Variants in WDR48 observed in about 807,000 individuals in gnomAD.
The protein encoded by WDR48 is WD repeat domain 48, also known as WD repeat-containing protein 48.
WDR48 carries 22 observed loss-of-function variants against 94.0 expected under a neutral mutation model. The ratio of observed to expected loss-of-function variants is 0.23; its 90% CI spans 0.17 to 0.33. The LOEUF (loss-of-function observed/expected upper bound fraction) is 0.33. Among genes scored for constraint, WDR48 ranks in the 10% least tolerant of loss-of-function variants. The probability of loss-of-function intolerance (pLI) is 1.00; values close to 1 mark genes in which losing one functional copy is unlikely to be tolerated. For missense variants in WDR48, 541 were observed against 813.8 expected (o/e 0.66, Z 4.08); for synonymous variants, 278 against 280.5 (o/e 0.99, Z 0.09).
At chr3:39,053,793 T>C (rs1328547103) in intron 1 of WDR48, among the ~76,000 whole-genome samples, 1 of 152,086 alleles carries the variant, frequency 6.6e-6, no homozygotes, top group African/African-American at 2.4e-5. Flanking sequence ...ATGGAGAAAA[T>C]GTAAATTAAC....
At position 39,066,536 on chromosome 3, in the gene WDR48, T is replaced by C; in HGVS notation, c.269-12T>C. The C allele has an allele frequency of 4.3e-6, 7 of 1,612,178 alleles. No homozygotes were observed. Among genetic ancestry groups the C allele is most frequent in the Non-Finnish European group, 5.1e-6 (6 of 1,179,108 alleles). ...ACTACTAAGGAGTTTGTTAATTCTT[T>C]GCTTCTTCTAGTAATATCTGCTTCT... On this transcript the variant is annotated splice_polypyrimidine_tract_variant and intron_variant, in intron 3 of 18. Coordinates refer to ENST00000302313, the MANE Select transcript of WDR48 (RefSeq NM_020839.4).
At chr3:39,083,596 G>A (rs1211378079) in intron 11 of WDR48, among the ~76,000 whole-genome samples, 3 of 152,186 alleles carry the variant, frequency 2.0e-5, no homozygotes, top group Non-Finnish European at 4.4e-5. Flanking sequence ...AATGGGGAAG[G>A]TGGCAAGGTC....
intron 11 of WDR48, among the ~76,000 whole-genome samples, chr3:39,083,702 T>C (rs57701412): frequency 0.091 from 13,804 of 152,176 alleles, 756 homozygotes; most frequent in Admixed American, 0.14. Flanking sequence ...GGTTGCTAGA[T>C]GGCAGTGAAG....
chr3:39,092,578 G>A (rs2035135955), intron 17 of WDR48, among the ~76,000 whole-genome samples: 1 of 152,156 alleles, frequency 6.6e-6, no homozygotes, highest in Non-Finnish European at 1.5e-5. Flanking sequence ...CCAAGCCATA[G>A]AGCGTGCAGT....
intron 16 of WDR48, chr3:39,089,995 A>G (rs1263884622): frequency 2.0e-5 from 3 of 152,180 alleles, no homozygotes; most frequent in African/African-American, 4.8e-5. Context: ...GCTTTTTAGG[A>G]TAAATTCCTA....
At chr3:39,094,445 T>C in intron 18 of WDR48, 30 of 1,531,308 alleles carry the variant, frequency 2.0e-5, no homozygotes, top group Non-Finnish European at 2.4e-5. Context: ...GGCCTGGTGT[T>C]TCTGGCATAG....
At chr3:39,074,641 T>G in intron 7 of WDR48, 85 bp from the exon 8 acceptor site, 7 of 1,289,170 alleles carry the variant, frequency 5.4e-6, no homozygotes, top group Non-Finnish European at 4.4e-6. Context: ...TGTTTGACAG[T>G]GTGGACTCGG....
intron 9 of WDR48, 58 bp downstream of exon 9, chr3:39,077,271 C>T: frequency 6.3e-7 from 1 of 1,589,490 alleles, no homozygotes; most frequent in Non-Finnish European, 8.6e-7. Flanking sequence ...TATCACAGAC[C>T]TGTAGACGCC....
Position 39,076,104 on chromosome 3 carries a change from C to T in WDR48, c.898-1035C>T, listed in dbSNP as rs78317225. Among the ~76,000 whole-genome samples, 624 of 152,210 alleles carry T rather than the reference C, an allele frequency of 4.1e-3. 9 individuals are homozygous for T. The highest frequency in any genetic ancestry group is 0.014 in the African/African-American group (591 of 41,530). On this transcript the variant is annotated intron_variant, in intron 8 of 18. Coordinates refer to ENST00000302313, the MANE Select transcript of WDR48 (RefSeq NM_020839.4). ...CAGAACTGCAGATACCCATTCTCTA[C>T]GAAACTAAGTGACATCTGAAACCTC...
At chr3:39,062,513 G>A (rs1043662671) in intron 1 of WDR48, among the ~76,000 whole-genome samples, 11 of 152,146 alleles carry the variant, frequency 7.2e-5, no homozygotes, top group African/African-American at 2.7e-4. Context: ...AGGAAGTATT[G>A]TTTAAATGGA....
chr3:39,067,483 G>A (rs3732373), intron 5 of WDR48, among the ~76,000 whole-genome samples: 3,747 of 152,282 alleles, frequency 0.025, 76 homozygotes, highest in South Asian at 0.061. Context: ...CATCAGCTAA[G>A]AGATCTCAGA....
chr3:39,067,086 A>G (rs2033653817), intron 5 of WDR48, among the ~76,000 whole-genome samples: 1 of 152,192 alleles, frequency 6.6e-6, no homozygotes, highest in Admixed American at 6.5e-5. Context: ...TTCTCCAGGT[A>G]TAACCTGGTT....
chr3:39,092,440 T>C (rs2035128304), intron 17 of WDR48, among the ~76,000 whole-genome samples: 1 of 152,126 alleles, frequency 6.6e-6, no homozygotes, highest in Non-Finnish European at 1.5e-5. Context: ...AGTGGGAGCA[T>C]GCATAAGATA....
At chr3:39,068,715 T>C in intron 5 of WDR48, 56 bp from the exon 6 acceptor site, 3 of 1,322,964 alleles carry the variant, frequency 2.3e-6, no homozygotes, top group Non-Finnish European at 3.2e-6. Flanking sequence ...TTTTGCTGAC[T>C]AGTTACTAAA....
chr3:39,062,730 T>C (rs989898558), intron 1 of WDR48, among the ~76,000 whole-genome samples: 18 of 152,194 alleles, frequency 1.2e-4, no homozygotes, highest in Admixed American at 9.2e-4. Flanking sequence ...CTGGAGGTTT[T>C]TGAGCAGAGC....
chr3:39,079,449 C>T (rs1042110074), intron 10 of WDR48, among the ~76,000 whole-genome samples: 2 of 152,146 alleles, frequency 1.3e-5, no homozygotes, highest in African/African-American at 4.8e-5. Context: ...CACTAGTACC[C>T]CCTTGACATG....
At position 39,076,824 on chromosome 3, in the gene WDR48, CAA is replaced by C. The variant is rs1223709615; in HGVS notation, c.898-314_898-313del. Among the ~76,000 whole-genome samples the C allele has an allele frequency of 4.6e-5, 7 of 152,226 alleles. No individual in the cohort carries two copies. The South Asian group carries it at 1.2e-3, about 27-fold the overall frequency. ...TATAGAAACATAAAAACTGGAGTAA[CAA>C]GAAGAGAAAATTATGGAAAGTCTTT... On this transcript the variant is annotated intron_variant, in intron 8 of 18. Transcript: ENST00000302313.
intron 1 of WDR48, among the ~76,000 whole-genome samples, chr3:39,058,605 T>C (rs35211723): frequency 0.14 from 21,646 of 152,154 alleles, 1,805 homozygotes; most frequent in African/African-American, 0.22. Flanking sequence ...TGAGAGAGGC[T>C]GAAGTTGACA....
intron 1 of WDR48, among the ~76,000 whole-genome samples, chr3:39,055,367 C>T (rs1426919744): frequency 6.6e-6 from 1 of 152,140 alleles, no homozygotes; most frequent in Non-Finnish European, 1.5e-5. Context: ...TGCCTGTAAT[C>T]CCAGGTACTT....
Sources: gnomAD v4.1 joint callset for allele counts (sites outside exome capture counted in the v4.1 genomes callset) on GRCh38, gnomAD v4.1.1 for gene constraint, MANE v1.5 for transcripts, NCBI Gene and HGNC (gene_info 2026-07-23, HGNC 2026-07-21) for gene names.